The following VPS13B variants were observed in gnomAD, a reference collection of about 807,000 sequenced individuals.
VPS13B encodes the protein vacuolar protein sorting 13 homolog B.
In VPS13B, 285 loss-of-function variants were observed where a neutral mutation model predicts 426.4. The ratio of observed to expected loss-of-function variants is 0.67; its 90% CI spans 0.61 to 0.74. The LOEUF (loss-of-function observed/expected upper bound fraction) is 0.74. Among genes scored for constraint, VPS13B ranks in the 30% least tolerant of loss-of-function variants. The pLI is 0.00. For synonymous variants in VPS13B, 1,676 were observed against 1,676.4 expected (o/e 1.00, Z 0.01); for missense variants, 4,537 against 4,782.6 (o/e 0.95, Z 1.51).
intron 34 of VPS13B, among the ~76,000 whole-genome samples, chr8:99,649,319 T>C (rs1395804354): frequency 1.3e-5 from 2 of 152,116 alleles, no homozygotes; most frequent in Middle Eastern, 3.2e-3. Context: ...CAAATAGTCT[T>C]TCTGCACCAA....
chr8:99,786,607 T>G (rs919404466), intron 43 of VPS13B, among the ~76,000 whole-genome samples: 1 of 152,164 alleles, frequency 6.6e-6, no homozygotes, highest in Admixed American at 6.6e-5. Context: ...TAATAGGAGC[T>G]TCTTAATCAC....
intron 54 of VPS13B, among the ~76,000 whole-genome samples, chr8:99,846,561 A>G (rs1460810909): frequency 3.9e-5 from 6 of 152,234 alleles, no homozygotes; most frequent in African/African-American, 1.4e-4. Flanking sequence ...AAAGGCTACA[A>G]GGTGTGAGTT....
At chr8:99,277,511 G>A (rs1818960220) in intron 19 of VPS13B, among the ~76,000 whole-genome samples, 2 of 152,096 alleles carry the variant, frequency 1.3e-5, no homozygotes. Context: ...GAGTATGATT[G>A]ATGTTATAGA....
chr8:99,284,587 G>A (rs148415519), intron 19 of VPS13B, among the ~76,000 whole-genome samples: 135 of 151,574 alleles, frequency 8.9e-4, no homozygotes, highest in African/African-American at 3.2e-3. Flanking sequence ...TTTTGAGATA[G>A]AATCTCACTC....
At chr8:99,874,173 G>A (rs1817574376) in intron 61 of VPS13B, among the ~76,000 whole-genome samples, 1 of 152,138 alleles carries the variant, frequency 6.6e-6, no homozygotes, top group African/African-American at 2.4e-5. Flanking sequence ...TCCTTGGCTG[G>A]GTTCCTTTCA....
intron 14 of VPS13B, among the ~76,000 whole-genome samples, chr8:99,152,518 T>C (rs1426644795): frequency 6.6e-6 from 1 of 152,216 alleles, no homozygotes; most frequent in African/African-American, 2.4e-5. Flanking sequence ...TCTGGTTGAT[T>C]ATAAGTTCAA....
chr8:99,014,003 C>T (rs1841457329), intron 2 of VPS13B, 68 bp downstream of exon 2: 2 of 1,608,530 alleles, frequency 1.2e-6, no homozygotes, highest in Non-Finnish European at 1.7e-6. Flanking sequence ...CTATTGTTTC[C>T]TAAGCTTTGA....
chr8:99,312,849 T>A (rs1159144169), intron 19 of VPS13B, among the ~76,000 whole-genome samples: 1 of 152,246 alleles, frequency 6.6e-6, no homozygotes, highest in Non-Finnish European at 1.5e-5. Context: ...CCATATTTCT[T>A]GGAGGCTTTG....
At chr8:99,480,106 T>G (rs1246414131) in intron 24 of VPS13B, among the ~76,000 whole-genome samples, 1 of 152,226 alleles carries the variant, frequency 6.6e-6, no homozygotes, top group East Asian at 1.9e-4. Flanking sequence ...TAGTTCATTG[T>G]GGCTTTACTT....
At chr8:99,351,382 C>T (rs1811868793) in intron 19 of VPS13B, among the ~76,000 whole-genome samples, 2 of 151,504 alleles carry the variant, frequency 1.3e-5, no homozygotes, top group Admixed American at 1.3e-4. Context: ...CCTTCTTGAC[C>T]AGTTTATATT....
rs1377247960 is a variant in VPS13B, at chr8:99,876,615, T to C, written c.*949T>C. The C allele has an allele frequency of 1.3e-5, 2 of 152,188 alleles. No individual in the cohort carries two copies. The highest frequency in any genetic ancestry group is 1.9e-4 in the East Asian group (1 of 5,190). The allele number at this position is 152,188 out of a possible 1,614,324, so 9.4% of individuals were successfully genotyped here. On this transcript the variant is annotated 3_prime_UTR_variant, in exon 62 of 62. Transcript: ENST00000357162. The stretch of plus-strand genomic sequence containing the variant: ...AGTCCATTTTGTTTATTCTGTGGAA[T>C]TGACTTGACAAAGCATGAAGATATT...
At chr8:99,436,984 C>T (rs1817414142) in intron 22 of VPS13B, among the ~76,000 whole-genome samples, 1 of 152,080 alleles carries the variant, frequency 6.6e-6, no homozygotes, top group Admixed American at 6.6e-5. Context: ...CGTGATCCAC[C>T]CGCCTCGGCC....
chr8:99,417,171 CT>C lies in VPS13B; in HGVS notation c.3083-14365del, dbSNP rs1816066964. ...TGAACATTCAAATTCTAGTAGCAAT[CT>C]GATTAACCAAAGTATTTTAATTTAT... On this transcript the variant is annotated intron_variant, in intron 21 of 61. Coordinates refer to ENST00000357162, the MANE Select transcript of VPS13B (RefSeq NM_152564.5). Among the ~76,000 whole-genome samples the C allele has an allele frequency of 2.0e-5, 3 of 152,068 alleles. No homozygotes were observed. The South Asian group carries it at 6.2e-4, about 32-fold the overall frequency.
At chr8:99,863,938 C>G (rs1816965479) in intron 58 of VPS13B, among the ~76,000 whole-genome samples, 1 of 152,184 alleles carries the variant, frequency 6.6e-6, no homozygotes, top group Non-Finnish European at 1.5e-5. Flanking sequence ...AGCTCACACC[C>G]TGAGCAGTGT....
intron 27 of VPS13B, among the ~76,000 whole-genome samples, chr8:99,504,904 C>G (rs995104422): frequency 6.6e-6 from 1 of 152,196 alleles, no homozygotes; most frequent in African/African-American, 2.4e-5. Context: ...TTTGTCTACA[C>G]TGAAAATCTA....
At chr8:99,552,342 C>A (rs1055076315) in intron 30 of VPS13B, among the ~76,000 whole-genome samples, 1 of 152,008 alleles carries the variant, frequency 6.6e-6, no homozygotes, top group Non-Finnish European at 1.5e-5. Flanking sequence ...TCACTTGGAA[C>A]CTGATCTGTG....
At chr8:99,038,295 A>T in intron 2 of VPS13B, 128 bp from the exon 3 acceptor site, 3 of 655,778 alleles carry the variant, frequency 4.6e-6, no homozygotes, top group Non-Finnish European at 4.8e-6. Flanking sequence ...GAAAAATATT[A>T]AGCACTAAAC....
chr8:99,287,289 TCC>T (rs1563648199), intron 19 of VPS13B, among the ~76,000 whole-genome samples: 1 of 151,564 alleles, frequency 6.6e-6, no homozygotes, highest in Non-Finnish European at 1.5e-5. Context: ...TATCTATCTC[TCC>T]CTCCGTACTG....
chr8:99,575,810 T>A (rs1825747980), intron 32 of VPS13B, 26 bp downstream of exon 32: 1 of 1,607,532 alleles, frequency 6.2e-7, no homozygotes, highest in African/African-American at 1.3e-5. Flanking sequence ...TGATTTTATT[T>A]TAGTCTAAAT....
Sources: allele counts gnomAD v4.1 joint callset (sites outside exome capture counted in the v4.1 genomes callset), GRCh38; gene constraint gnomAD v4.1.1; transcripts MANE v1.5; gene names NCBI Gene and HGNC (gene_info 2026-07-23, HGNC 2026-07-21).